The following TOP3A variants were observed in gnomAD, a reference collection of about 807,000 sequenced individuals.
TOP3A encodes DNA topoisomerase III alpha.
TOP3A carries 64 observed loss-of-function variants against 111.3 expected under a neutral mutation model. The observed-to-expected ratio is 0.57, with a 90% CI of 0.47 to 0.71. The LOEUF is 0.71. TOP3A is among the 30% of genes least tolerant of loss of function. The pLI, the probability that TOP3A is intolerant of heterozygous loss-of-function variation, is 0.00. For synonymous variants in TOP3A, 484 were observed against 485.1 expected (o/e 1.00, Z 0.03); for missense variants, 1,104 against 1,285.0 (o/e 0.86, Z 2.15).
At chr17:18,314,532 C>T in intron 1 of TOP3A, 67 bp downstream of exon 1, 1 of 1,494,336 alleles carries the variant, frequency 6.7e-7, no homozygotes, top group Non-Finnish European at 9.0e-7. Flanking sequence ...TTCTTGGCGC[C>T]CACCACGCTG....
rs201230376 is a variant in TOP3A, at chr17:18,308,223, CAAAAAAAAAAAAAAAAAAAAAAAA to C, written c.314+104_314+127del. 70 of 245,770 alleles carry C rather than the reference CAAAAAAAAAAAAAAAAAAAAAAAA, an allele frequency of 2.8e-4. 3 individuals carry two copies. In the South Asian group the frequency reaches 4.8e-3, roughly 17 times the overall value. The allele number at this position is 245,770 out of a possible 1,614,324, so 15.2% of individuals were successfully genotyped here. On this transcript the variant is annotated intron_variant, in intron 3 of 18. Transcript: ENST00000321105. ...TCTCACTCTGAAACTTTGTCTCCAA[CAAAAAAAAAAAAAAAAAAAAAAAA>C]AAAAAAAAAAAATTACCCAGTAAGA... is the stretch of plus-strand genomic sequence containing the variant.
At position 18,314,719 on chromosome 17, in the gene TOP3A, G is replaced by A. The variant is rs780900644; in HGVS notation, c.60C>T (p.Ala20=). 31 of 1,601,756 alleles carry A rather than the reference G, an allele frequency of 1.9e-5. No individual in the cohort carries two copies. The highest frequency in any genetic ancestry group is 2.6e-5 in the Non-Finnish European group (31 of 1,174,694). The change falls in exon 1 of 19, where the codon GCC becomes GCT. Residue 20 remains alanine (A), a synonymous_variant. Transcript: ENST00000321105. ...CCATCTCCATGGCGGCGCGGGAAAA[G>A]GCACGGTCTTCGGGCCGTCGCAGCC... ...LRWLRRPEDR[A]FSRAAMEMAL... is the part of the protein sequence containing the mutation.
intron 15 of TOP3A, among the ~76,000 whole-genome samples, chr17:18,284,291 C>T (rs533792080): frequency 2.1e-4 from 32 of 151,856 alleles, no homozygotes; most frequent in African/African-American, 7.0e-4. Context: ...GGATTACAGG[C>T]GTGAGCCACC....
At position 18,308,375 on chromosome 17, in the gene TOP3A, T is replaced by C; in HGVS notation, c.290A>G (p.Asp97Gly). 1 of 1,604,902 alleles carries C rather than the reference T, an allele frequency of 6.2e-7. No individual in the cohort carries two copies. Among genetic ancestry groups the C allele is most frequent in the Non-Finnish European group, 8.5e-7 (1 of 1,174,638 alleles). ...CCATTTTCGAAACTGCATCTGGAAATCATGAGCCAGTAAATGTCCAGAAAC... is the reference window on the plus strand; with the variant it reads ...CCATTTTCGAAACTGCATCTGGAAACCATGAGCCAGTAAATGTCCAGAAAC... ...TSVSGHLLAH[D>G]FQMQFRKWQS... Residue 97 changes from aspartate to glycine, a missense_variant, in exon 3 of 19, where the codon GAT becomes GGT. Asp to Gly is a moderately conservative substitution (Grantham distance 94). Transcript: ENST00000321105.
intron 15 of TOP3A, among the ~76,000 whole-genome samples, chr17:18,283,868 T>A (rs560638987): frequency 1.3e-5 from 2 of 152,178 alleles, no homozygotes; most frequent in East Asian, 1.9e-4. Flanking sequence ...TCCAGGTGAA[T>A]ACCCAGATGG....
rs545378304 is a variant in TOP3A, at chr17:18,274,780, C to A, written c.*22G>T. On this transcript the variant is annotated 3_prime_UTR_variant, in exon 19 of 19. Transcript: ENST00000321105. ...AAAGGGGACAGGTCTGAGAAAGTGGCGTTCTCTACCCTACCCTGAGCTCAT... is the reference window on the plus strand; with the variant it reads ...AAAGGGGACAGGTCTGAGAAAGTGGAGTTCTCTACCCTACCCTGAGCTCAT... 1 of 1,598,654 alleles carries A rather than the reference C, an allele frequency of 6.3e-7. No homozygotes were observed. Among genetic ancestry groups the A allele is most frequent in the East Asian group, 2.2e-5 (1 of 44,594 alleles).
intron 15 of TOP3A, among the ~76,000 whole-genome samples, chr17:18,284,694 T>G (rs1484834357): frequency 6.6e-6 from 1 of 152,048 alleles, no homozygotes; most frequent in Admixed American, 6.6e-5. Flanking sequence ...AGAAAACAAA[T>G]GGATCACACT....
intron 4 of TOP3A, among the ~76,000 whole-genome samples, chr17:18,305,502 G>GCA (rs1421490089): frequency 6.6e-6 from 1 of 151,720 alleles, no homozygotes; most frequent in East Asian, 1.9e-4. Context: ...GCGCGCGCGC[G>GCA]CGCACGCACA....
chr17:18,308,791 T>G (rs1254582706), intron 2 of TOP3A, 91 bp downstream of exon 2: 2 of 812,038 alleles, frequency 2.5e-6, no homozygotes, highest in Admixed American at 6.1e-5. Flanking sequence ...CAGTTGTTAT[T>G]CTTAAGACAG....
At chr17:18,306,829 G>T in intron 4 of TOP3A, 62 bp downstream of exon 4, 1 of 1,132,916 alleles carries the variant, frequency 8.8e-7, no homozygotes, top group African/African-American at 1.6e-5. Context: ...TAAAAACAAA[G>T]AAATCACTCT....
chr17:18,280,463 G>A (rs1243971342), intron 17 of TOP3A, 73 bp downstream of exon 17: 31 of 1,546,042 alleles, frequency 2.0e-5, no homozygotes, highest in African/African-American at 2.7e-5. Context: ...CTCCTCTCTG[G>A]GTTCTGGCAG....
chr17:18,291,833 GCCT>G (rs1468889483), intron 11 of TOP3A, among the ~76,000 whole-genome samples: 2 of 151,922 alleles, frequency 1.3e-5, no homozygotes, highest in African/African-American at 4.8e-5. Flanking sequence ...TCCTGCCTCA[GCCT>G]CCTGAGAGTT....
intron 1 of TOP3A, 42 bp downstream of exon 1, chr17:18,314,556 GC>G (rs1248451480): frequency 1.1e-5 from 17 of 1,560,098 alleles, no homozygotes; most frequent in African/African-American, 1.4e-5. Flanking sequence ...CGCTCGGTGG[GC>G]CTCCCTTAAG....
chr17:18,301,513 T>C (rs1366421114), intron 8 of TOP3A, among the ~76,000 whole-genome samples: 1 of 152,240 alleles, frequency 6.6e-6, no homozygotes, highest in African/African-American at 2.4e-5. Context: ...CTTCTCTAGA[T>C]GTCCTCATGT....
chr17:18,314,785 AC>A lies in TOP3A; in HGVS notation c.-8del. 1.3e-6 allele frequency: 2 copies of A among 1,511,488 alleles called. No individual in the cohort carries two copies. Among genetic ancestry groups the A allele is most frequent in the Non-Finnish European group, 1.8e-6 (2 of 1,125,202 alleles). 93.6% of individuals were successfully genotyped at this position (1,511,488 alleles called of 1,614,324 possible). A position where few individuals can be genotyped will look rare whatever the true frequency, so the allele number is the denominator to read the frequency against. ...GGGCGACAGGAAAGATCATCCTCAG[AC>A]CTCGCGCCCGGAGCCGCTCCCCGGC... On this transcript the variant is annotated 5_prime_UTR_variant, in exon 1 of 19. The change abolishes the stop of an existing upstream ORF in the 5' untranslated region. Transcript: ENST00000321105.
intron 4 of TOP3A, 120 bp downstream of exon 4, chr17:18,306,771 C>G: frequency 2.8e-6 from 2 of 713,448 alleles, no homozygotes; most frequent in Non-Finnish European, 4.7e-6. Flanking sequence ...CTTTTTAAAT[C>G]ATGGTAGTGA....
chr17:18,299,549 T>G lies in TOP3A; in HGVS notation c.990+10A>C. On this transcript the variant is annotated intron_variant, in intron 9 of 18. Transcript: ENST00000321105. ...CCCCGAGTGCCTGAAACAGCCTGTCTGGAACATACCACAGTGTCCAAGGCT... is the reference window on the plus strand; with the variant it reads ...CCCCGAGTGCCTGAAACAGCCTGTCGGGAACATACCACAGTGTCCAAGGCT... 3 of 1,613,766 alleles carry G rather than the reference T, an allele frequency of 1.9e-6. No homozygotes were observed. The highest frequency in any genetic ancestry group is 1.7e-6 in the Non-Finnish European group (2 of 1,179,616).
chr17:18,285,610 T>C (rs1980048350), intron 13 of TOP3A, 90 bp from the exon 14 acceptor site: 5 of 1,075,650 alleles, frequency 4.6e-6, no homozygotes, highest in Non-Finnish European at 6.9e-6. Flanking sequence ...CCGGAATCCC[T>C]CCTTTGCCTG....
Position 18,314,746 on chromosome 17 carries a change from C to T in TOP3A, c.33G>A (p.Arg11=). Residue 11 remains arginine (R), a synonymous_variant, in exon 1 of 19, where the codon CGG becomes CGA. Coordinates refer to ENST00000321105, the MANE Select transcript of TOP3A (RefSeq NM_004618.5). MIFPVARYAL[R]WLRRPEDRAF... ...CACGGTCTTCGGGCCGTCGCAGCCA[C>T]CGGAGCGCGTAGCGGGCGACAGGAA... The T allele has an allele frequency of 6.4e-7, 1 of 1,570,436 alleles. No homozygotes were observed. The highest frequency in any genetic ancestry group is 8.6e-7 in the Non-Finnish European group (1 of 1,158,224).
Sources: gnomAD v4.1 joint callset for allele counts (sites outside exome capture counted in the v4.1 genomes callset) on GRCh38, gnomAD v4.1.1 for gene constraint, MANE v1.5 for transcripts, NCBI Gene and HGNC (gene_info 2026-07-23, HGNC 2026-07-21) for gene names.